The following CNIH3 variants were observed in gnomAD, a reference collection of about 807,000 sequenced individuals.
The protein encoded by CNIH3 is cornichon family AMPA receptor auxiliary protein 3, also known as protein cornichon homolog 3.
In CNIH3, 14 loss-of-function variants were observed where a neutral mutation model predicts 24.1. The ratio of observed to expected loss-of-function variants is 0.58; its 90% confidence interval spans 0.38 to 0.91. The LOEUF (loss-of-function observed/expected upper bound fraction) is 0.91, where lower values mean the gene tolerates loss of function less well. Among genes scored for constraint, CNIH3 ranks in the 40% least tolerant of loss-of-function variants. CNIH3 has a pLI of 0.00. For missense variants in CNIH3, 178 were observed against 196.8 expected, an observed-to-expected ratio of 0.90 and a Z score of 0.57; for synonymous variants, 68 against 73.8, an observed-to-expected ratio of 0.92 and a Z score of 0.40.
chr1:224,657,568 A>G (rs1572671170), intron 1 of CNIH3, among the ~76,000 whole-genome samples: 1 of 152,338 alleles, frequency 6.6e-6, no homozygotes, highest in East Asian at 1.9e-4. Context: ...AATAAAAGAC[A>G]TAATAAAAAA....
At chr1:224,665,841 A>C (rs1310401266) in intron 1 of CNIH3, among the ~76,000 whole-genome samples, 1 of 144,076 alleles carries the variant, frequency 6.9e-6, no homozygotes, top group African/African-American at 2.6e-5. Context: ...TTTAGTGATA[A>C]GCCCAAGGAT....
chr1:224,474,875 AAAAAT>A, intron 1 of CNIH3, among the ~76,000 whole-genome samples: 2 of 43,190 alleles, frequency 4.6e-5, no homozygotes, highest in Non-Finnish European at 6.0e-5. Context: ...AAAAATACAA[AAAAAT>A]AAAAATAAAA....
At chr1:224,556,302 G>A (rs1680138571) in intron 3 of CNIH3, among the ~76,000 whole-genome samples, 3 of 151,866 alleles carry the variant, frequency 2.0e-5, no homozygotes, top group Non-Finnish European at 4.4e-5. Context: ...CCTGTCTGTG[G>A]TACTTACTGT....
At chr1:224,733,398 C>T (rs1441431731) in intron 4 of CNIH3, among the ~76,000 whole-genome samples, 1 of 152,162 alleles carries the variant, frequency 6.6e-6, no homozygotes, top group Non-Finnish European at 1.5e-5. Context: ...CAGCAAATAG[C>T]TTTTGAGATT....
chr1:224,573,491 G>A (rs1297633867), intron 4 of CNIH3, among the ~76,000 whole-genome samples: 1 of 152,170 alleles, frequency 6.6e-6, no homozygotes, highest in Non-Finnish European at 1.5e-5. Flanking sequence ...TCTTCATAAG[G>A]CTGGAAGTTA....
At chr1:224,734,927 G>A (rs1037306948) in intron 5 of CNIH3, among the ~76,000 whole-genome samples, 2 of 152,120 alleles carry the variant, frequency 1.3e-5, no homozygotes, top group African/African-American at 4.8e-5. Context: ...CCTGCTGATC[G>A]GCACATCCTT....
At position 224,491,953 on chromosome 1, in the gene CNIH3, A is replaced by G. The variant is rs138779318; in HGVS notation, n.204-23788A>G. The stretch of plus-strand genomic sequence containing the variant: ...ATTTTTGTAGAGACAAGATCTTGCT[A>G]TATTGCCCAGAGACTGTTCTTGAAC... On this transcript the variant is annotated intron_variant and non_coding_transcript_variant, in intron 1 of 5. Coordinates refer to the CNIH3 transcript ENST00000471578. Among the ~76,000 whole-genome samples the G allele has an allele frequency of 2.0e-4, 30 of 152,162 alleles. 1 individual carries two copies. Among genetic ancestry groups the G allele is most frequent in the African/African-American group, 6.7e-4 (28 of 41,530 alleles).
intron 1 of CNIH3, chr1:224,454,201 C>CT: frequency 1.4e-6 from 1 of 707,318 alleles, no homozygotes; most frequent in Non-Finnish European, 1.7e-6. Context: ...AGGTGCTATG[C>CT]TTTATCTACC....
chr1:224,663,141 C>T (rs1345074900), intron 1 of CNIH3, among the ~76,000 whole-genome samples: 1 of 152,112 alleles, frequency 6.6e-6, no homozygotes, highest in Non-Finnish European at 1.5e-5. Context: ...GAACTCTGAC[C>T]CAGTTTCCCA....
chr1:224,519,290 T>A (rs1678526058), intron 1 of CNIH3, among the ~76,000 whole-genome samples: 1 of 152,086 alleles, frequency 6.6e-6, no homozygotes, highest in East Asian at 1.9e-4. Context: ...AGGGAAAACT[T>A]GCCTCTTTTT....
rs571203443 is a variant in CNIH3 at position 224,718,012 on chromosome 1, A to G, written c.199-12450A>G. Among the ~76,000 whole-genome samples the G allele has an allele frequency of 5.3e-5, 8 of 152,362 alleles. No homozygotes were observed. In the East Asian group the frequency reaches 1.5e-3, roughly 29 times the overall value. Reference sequence around the variant, plus strand: ...GACCAATTTGTTTTCTCACTCAACAACAACAAAATTGCACCGTGTGCCAGC... The same window carrying G: ...GACCAATTTGTTTTCTCACTCAACAGCAACAAAATTGCACCGTGTGCCAGC... On this transcript the variant is annotated intron_variant, in intron 3 of 5. Transcript: ENST00000272133.
chr1:224,516,684 A>G (rs1678398676), intron 1 of CNIH3, among the ~76,000 whole-genome samples: 2 of 152,194 alleles, frequency 1.3e-5, no homozygotes, highest in South Asian at 2.1e-4. Context: ...TGGCCCCTGC[A>G]TGGGTCTGCA....
At chr1:224,576,555 T>C (rs1394571656) in intron 4 of CNIH3, among the ~76,000 whole-genome samples, 1 of 152,256 alleles carries the variant, frequency 6.6e-6, no homozygotes, top group Non-Finnish European at 1.5e-5. Context: ...TAGTTTTCTT[T>C]ATACATTTCA....
chr1:224,730,511 T>G lies in CNIH3; in HGVS notation c.248T>G (p.Leu83Arg). 1.3e-6 allele frequency: 2 copies of G among 1,562,370 alleles called. No homozygotes were observed. Among genetic ancestry groups the G allele is most frequent in the Non-Finnish European group, 1.7e-6 (2 of 1,151,786 alleles). ...SIHSLFCIMF[L>R]CAQEWLTLGL... Reference sequence around the variant, plus strand: ...CATAGCCTCTTCTGCATTATGTTCCTGTGTGCGCAAGAGTGGCTCACGCTG... The same window carrying G: ...CATAGCCTCTTCTGCATTATGTTCCGGTGTGCGCAAGAGTGGCTCACGCTG... Residue 83 changes from leucine to arginine, a missense_variant, in exon 4 of 6, where the codon CTG (leucine) becomes CGG (arginine). Coordinates refer to ENST00000272133, the MANE Select transcript of CNIH3 (RefSeq NM_152495.2).
chr1:224,679,402 C>T (rs1029105983), intron 1 of CNIH3, among the ~76,000 whole-genome samples: 1 of 152,090 alleles, frequency 6.6e-6, no homozygotes, highest in African/African-American at 2.4e-5. Flanking sequence ...ACAGGTTGAA[C>T]AAAAATGGGT....
intron 1 of CNIH3, among the ~76,000 whole-genome samples, chr1:224,452,598 G>T (rs531123591): frequency 8.0e-5 from 12 of 150,438 alleles, no homozygotes; most frequent in South Asian, 2.1e-4. Flanking sequence ...TGGCTAACAC[G>T]GTGAAACCCC....
chr1:224,490,571 T>G (rs1677202599), intron 1 of CNIH3, among the ~76,000 whole-genome samples: 1 of 152,234 alleles, frequency 6.6e-6, no homozygotes, highest in African/African-American at 2.4e-5. Flanking sequence ...TCCCTATAAC[T>G]CATTTGAAAT....
intron 4 of CNIH3, among the ~76,000 whole-genome samples, chr1:224,576,085 G>A (rs533115099): frequency 6.6e-6 from 1 of 152,246 alleles, no homozygotes. Context: ...AAACCTTATG[G>A]GAGAGGAAAT....
chr1:224,435,170 C>T, intron 1 of CNIH3: 2 of 986,226 alleles, frequency 2.0e-6, no homozygotes, highest in Non-Finnish European at 2.4e-6. Context: ...ACTGCACCTT[C>T]TCCATCAGGT....
Sources: allele counts gnomAD v4.1 joint callset (sites outside exome capture counted in the v4.1 genomes callset), GRCh38; gene constraint gnomAD v4.1.1; transcripts MANE v1.5; gene names NCBI Gene and HGNC (gene_info 2026-07-23, HGNC 2026-07-21).